Variants in DOK6 observed in about 807,000 individuals in gnomAD.
The protein encoded by DOK6 is downstream of tyrosine kinase 6.
A neutral mutation model predicts 44.0 loss-of-function variants in DOK6; 22 were observed. The observed-to-expected ratio is 0.50, with a 90% CI of 0.36 to 0.71. The LOEUF (loss-of-function observed/expected upper bound fraction) is 0.71, where lower values mean the gene tolerates loss of function less well. DOK6 is among the 30% of genes least tolerant of loss of function. The probability of loss-of-function intolerance (pLI) is 0.00; values close to 1 mark genes in which losing one functional copy is unlikely to be tolerated. For synonymous variants in DOK6, 166 were observed against 145.5 expected (o/e 1.14, Z -1.01); for missense variants, 340 against 416.4 (o/e 0.82, Z 1.60).
At chr18:69,725,736 C>T (rs1192271589) in intron 5 of DOK6, among the ~76,000 whole-genome samples, 1 of 152,216 alleles carries the variant, frequency 6.6e-6, no homozygotes, top group Non-Finnish European at 1.5e-5. Flanking sequence ...AATCGCCCAC[C>T]TTGGCCTCCC....
At chr18:69,584,453 G>C (rs1983450851) in intron 2 of DOK6, among the ~76,000 whole-genome samples, 1 of 151,956 alleles carries the variant, frequency 6.6e-6, no homozygotes. Context: ...CACCAGCCCG[G>C]CTAACTTTTG....
chr18:69,728,583 G>A (rs887707619), intron 5 of DOK6, among the ~76,000 whole-genome samples: 19 of 151,830 alleles, frequency 1.3e-4, no homozygotes, highest in Non-Finnish European at 2.8e-4. Context: ...AGGGGAAAAT[G>A]TCCACAATAA....
intron 1 of DOK6, among the ~76,000 whole-genome samples, chr18:69,486,111 A>G (rs1980570921): frequency 6.6e-6 from 1 of 151,948 alleles, no homozygotes; most frequent in Non-Finnish European, 1.5e-5. Context: ...CTTTTTTAAT[A>G]TATAATGTAA....
At chr18:69,621,272 T>A (rs886565064) in intron 3 of DOK6, among the ~76,000 whole-genome samples, 1 of 152,184 alleles carries the variant, frequency 6.6e-6, no homozygotes, top group African/African-American at 2.4e-5. Flanking sequence ...TGATATTTTT[T>A]AAAGGGTAAT....
chr18:69,702,869 C>G (rs1017259329), intron 5 of DOK6, among the ~76,000 whole-genome samples: 22 of 152,112 alleles, frequency 1.4e-4, no homozygotes, highest in African/African-American at 5.3e-4. Flanking sequence ...TAAAAGGCGA[C>G]CAAAACTGTC....
chr18:69,650,197 T>C (rs1985186136), intron 3 of DOK6, among the ~76,000 whole-genome samples: 1 of 151,306 alleles, frequency 6.6e-6, no homozygotes, highest in Admixed American at 6.6e-5. Flanking sequence ...TTATCATCTT[T>C]AAAAAAAAAC....
intron 1 of DOK6, among the ~76,000 whole-genome samples, chr18:69,446,984 A>C (rs1979313567): frequency 6.6e-6 from 1 of 152,056 alleles, no homozygotes; most frequent in Non-Finnish European, 1.5e-5. Context: ...TAGATTGCAA[A>C]AATTTTCTAT....
chr18:69,426,488 T>C (rs2122415839), intron 1 of DOK6, among the ~76,000 whole-genome samples: 1 of 152,296 alleles, frequency 6.6e-6, no homozygotes, highest in Non-Finnish European at 1.5e-5. Context: ...TAAACTCAGA[T>C]CACCTATGAA....
chr18:69,739,718 T>C, intron 6 of DOK6, among the ~76,000 whole-genome samples: 1 of 152,214 alleles, frequency 6.6e-6, no homozygotes, highest in East Asian at 1.9e-4. Context: ...TTATAAGCTT[T>C]ATTACTAATT....
At chr18:69,591,471 G>A (rs4352137) in intron 2 of DOK6, among the ~76,000 whole-genome samples, 116,136 of 152,098 alleles carry the variant, frequency 0.76, 47,319 homozygotes, top group Non-Finnish European at 0.91. Flanking sequence ...AAACAACTGA[G>A]TGCTTACTGA....
chr18:69,734,393 CA>C (rs60831756), intron 5 of DOK6, among the ~76,000 whole-genome samples: 561 of 48,478 alleles, frequency 0.012, 3 homozygotes, highest in African/African-American at 0.033. Flanking sequence ...TTCATAGCAG[CA>C]AAAAAAAAAA....
chr18:69,819,680 C>T (rs1981509387), intron 7 of DOK6, among the ~76,000 whole-genome samples: 1 of 152,142 alleles, frequency 6.6e-6, no homozygotes, highest in African/African-American at 2.4e-5. Context: ...CTTCCTCCTG[C>T]CCGTAGACCT....
At chr18:69,752,323 T>C (rs2144749809) in intron 6 of DOK6, among the ~76,000 whole-genome samples, 1 of 152,306 alleles carries the variant, frequency 6.6e-6, no homozygotes, top group South Asian at 2.1e-4. Context: ...CTTAGGAGAA[T>C]TGATGACTTT....
intron 2 of DOK6, among the ~76,000 whole-genome samples, chr18:69,582,538 C>T (rs1217176354): frequency 6.6e-6 from 1 of 151,870 alleles, no homozygotes; most frequent in African/African-American, 2.4e-5. Flanking sequence ...TCCTTCCTTC[C>T]ATCTTTCTTT....
At chr18:69,728,133 C>T (rs921497894) in intron 5 of DOK6, among the ~76,000 whole-genome samples, 5 of 152,218 alleles carry the variant, frequency 3.3e-5, no homozygotes, top group African/African-American at 1.2e-4. Context: ...TCACACCCTG[C>T]TCTTTGACTC....
chr18:69,760,394 T>C (rs1166926203), intron 7 of DOK6, among the ~76,000 whole-genome samples: 1 of 151,840 alleles, frequency 6.6e-6, no homozygotes, highest in African/African-American at 2.4e-5. Flanking sequence ...ACTTTGAGAG[T>C]TTGATTTTTT....
chr18:69,746,751 T>G (rs1978998356), intron 6 of DOK6, among the ~76,000 whole-genome samples: 1 of 152,210 alleles, frequency 6.6e-6, no homozygotes, highest in Non-Finnish European at 1.5e-5. Flanking sequence ...AAATGGAAGA[T>G]TAAGGGTGAG....
chr18:69,703,962 C>A (rs995245292), intron 5 of DOK6, among the ~76,000 whole-genome samples: 6 of 152,184 alleles, frequency 3.9e-5, no homozygotes, highest in Non-Finnish European at 5.9e-5. Flanking sequence ...AGTCCCTCTT[C>A]TCTGCCATGC....
At position 69,614,321 on chromosome 18, in the gene DOK6, A is replaced by T. The variant is rs144611710; in HGVS notation, c.289+14823A>T. Among the ~76,000 whole-genome samples, 201 of 152,284 alleles carry T rather than the reference A, an allele frequency of 1.3e-3. 1 individual carries two copies. Among genetic ancestry groups the T allele is most frequent in the Admixed American group, 2.5e-3 (38 of 15,304 alleles). On this transcript the variant is annotated intron_variant, in intron 3 of 7. Transcript: ENST00000382713. ...CAAAATCATCCTTGAATTCAAAAAA[A>T]ATCATCCTTGAATTCAAAATGACAG... is the stretch of plus-strand genomic sequence containing the variant.
Sources: allele counts gnomAD v4.1 joint callset (sites outside exome capture counted in the v4.1 genomes callset), GRCh38; gene constraint gnomAD v4.1.1; transcripts MANE v1.5; gene names NCBI Gene and HGNC (gene_info 2026-07-23, HGNC 2026-07-21).